Variants in BARD1 observed in about 807,000 individuals in gnomAD.
The protein encoded by BARD1 is BRCA1-associated RING domain protein 1.
A neutral mutation model predicts 77.0 loss-of-function variants in BARD1; 73 were observed. That is an observed-to-expected ratio of 0.95 (90% CI 0.79 to 1.15). The LOEUF is 1.15. BARD1 is among the 50% of genes most tolerant of loss of function. The probability of loss-of-function intolerance (pLI) is 0.00; values close to 1 mark genes in which losing one functional copy is unlikely to be tolerated. For synonymous variants in BARD1, 384 were observed against 338.0 expected (o/e 1.14, Z -1.49); for missense variants, 993 against 938.8 (o/e 1.06, Z -0.75).
At chr2:214,747,889 TAAAA>T (rs1693210914) in intron 7 of BARD1, among the ~76,000 whole-genome samples, 1 of 151,140 alleles carries the variant, frequency 6.6e-6, no homozygotes, top group East Asian at 1.9e-4. Flanking sequence ...AAATAAAAAA[TAAAA>T]AAATTAAAAA....
At chr2:214,758,461 G>C (rs893459338) in intron 6 of BARD1, among the ~76,000 whole-genome samples, 9 of 152,174 alleles carry the variant, frequency 5.9e-5, no homozygotes, top group African/African-American at 2.2e-4. Flanking sequence ...TATGTCTGGA[G>C]CATTAACCTC....
intron 9 of BARD1, among the ~76,000 whole-genome samples, chr2:214,737,776 A>G (rs1045677600): frequency 6.6e-6 from 1 of 152,210 alleles, no homozygotes; most frequent in East Asian, 1.9e-4. Context: ...GGTTTTATTT[A>G]CTGAATAAAA....
At chr2:214,733,178 C>T (rs963061129) in intron 9 of BARD1, among the ~76,000 whole-genome samples, 2 of 152,110 alleles carry the variant, frequency 1.3e-5, no homozygotes, top group Admixed American at 6.5e-5. Flanking sequence ...ACTTCCACTT[C>T]GGCGCTCTTC....
chr2:214,801,427 T>C (rs997682613), intron 1 of BARD1, among the ~76,000 whole-genome samples: 6 of 152,238 alleles, frequency 3.9e-5, no homozygotes, highest in African/African-American at 9.6e-5. Context: ...TAACAAATAC[T>C]GAATGGCCAT....
chr2:214,747,458 A>G (rs1693179445), intron 7 of BARD1, among the ~76,000 whole-genome samples: 1 of 150,322 alleles, frequency 6.7e-6, no homozygotes, highest in African/African-American at 2.5e-5. Flanking sequence ...AACCAACCCA[A>G]ATGTCCAACA....
chr2:214,782,177 G>A (rs7567179), intron 3 of BARD1, among the ~76,000 whole-genome samples: 3,351 of 152,154 alleles, frequency 0.022, 39 homozygotes, highest in Middle Eastern at 0.034. Context: ...TAATATTAAC[G>A]TCAAGCTGTA....
At chr2:214,798,403 T>C (rs1695857656) in intron 1 of BARD1, among the ~76,000 whole-genome samples, 1 of 152,182 alleles carries the variant, frequency 6.6e-6, no homozygotes. Flanking sequence ...ATTCATACTG[T>C]GTCTATAATT....
intron 6 of BARD1, among the ~76,000 whole-genome samples, chr2:214,760,760 A>C (rs1168833948): frequency 1.3e-5 from 2 of 151,688 alleles, no homozygotes; most frequent in Non-Finnish European, 2.9e-5. Flanking sequence ...AAAGTTTTAC[A>C]GTTCACAGGG....
Position 214,726,051 on chromosome 2 carries a change from G to T in BARD1, c.*2625C>A. 4.8e-6 allele frequency: 1 copy of T among 209,562 alleles called. No homozygotes were observed. The highest frequency in any genetic ancestry group is 6.9e-5 in the East Asian group (1 of 14,572). 13.0% of individuals were successfully genotyped at this position (209,562 alleles called of 1,614,324 possible). A position where few individuals can be genotyped will look rare whatever the true frequency, so the allele number is the denominator to read the frequency against. On this transcript the variant is annotated 3_prime_UTR_variant, in exon 11 of 11. Coordinates refer to ENST00000260947, the MANE Select transcript of BARD1 (RefSeq NM_000465.4). ...CAAGGCAGGTGCAAAAAAAAAAAAAGGTGGGGGGACCGATGAAATAAAGGA... is the reference window on the plus strand; with the variant it reads ...CAAGGCAGGTGCAAAAAAAAAAAAATGTGGGGGGACCGATGAAATAAAGGA...
chr2:214,752,787 T>TC (rs1355371644), intron 6 of BARD1, among the ~76,000 whole-genome samples: 2 of 152,188 alleles, frequency 1.3e-5, no homozygotes, highest in African/African-American at 4.8e-5. Flanking sequence ...TATGAATTTT[T>TC]CACAACTGTA....
intron 9 of BARD1, among the ~76,000 whole-genome samples, chr2:214,732,015 G>A (rs553693931): frequency 6.6e-6 from 1 of 152,250 alleles, no homozygotes; most frequent in Non-Finnish European, 1.5e-5. Flanking sequence ...GTTACATCCT[G>A]TTATCACTTG....
At chr2:214,746,412 T>C (rs915785995) in intron 7 of BARD1, among the ~76,000 whole-genome samples, 8 of 152,058 alleles carry the variant, frequency 5.3e-5, no homozygotes, top group African/African-American at 9.7e-5. Context: ...GATCCATAAA[T>C]AGTAAGAAGT....
At chr2:214,754,701 A>G (rs1359755728) in intron 6 of BARD1, among the ~76,000 whole-genome samples, 2 of 152,170 alleles carry the variant, frequency 1.3e-5, no homozygotes, top group Non-Finnish European at 2.9e-5. Context: ...ACTATGTCAT[A>G]TGGTCTTAAA....
intron 7 of BARD1, among the ~76,000 whole-genome samples, chr2:214,746,526 A>G (rs1559387966): frequency 6.6e-6 from 1 of 151,246 alleles, no homozygotes; most frequent in Non-Finnish European, 1.5e-5. Flanking sequence ...ACAAAAATAA[A>G]GAGAAGGTAA....
At chr2:214,771,943 A>AAG (rs59814038) in intron 4 of BARD1, among the ~76,000 whole-genome samples, 2 of 143,336 alleles carry the variant, frequency 1.4e-5, no homozygotes, top group African/African-American at 2.7e-5. Flanking sequence ...AAAAAAAAAA[A>AAG]GCAACATTTT....
intron 6 of BARD1, among the ~76,000 whole-genome samples, chr2:214,761,519 A>G (rs115541449): frequency 0.015 from 2,323 of 152,282 alleles, 67 homozygotes; most frequent in African/African-American, 0.052. Context: ...ATATTTTTAA[A>G]TGTATTAACA....
At chr2:214,769,336 A>G in intron 4 of BARD1, 24 bp from the exon 5 acceptor site, 1 of 1,554,260 alleles carries the variant, frequency 6.4e-7, no homozygotes, top group South Asian at 1.1e-5. Context: ...CAAAACGGAA[A>G]TTAAAAAGCA....
At chr2:214,770,552 T>G (rs1387265710) in intron 4 of BARD1, among the ~76,000 whole-genome samples, 1 of 152,238 alleles carries the variant, frequency 6.6e-6, no homozygotes, top group East Asian at 1.9e-4. Context: ...GAAAATACTC[T>G]GAAGGCAGAC....
At chr2:214,761,576 G>A in intron 6 of BARD1, among the ~76,000 whole-genome samples, 1 of 152,096 alleles carries the variant, frequency 6.6e-6, no homozygotes, top group Non-Finnish European at 1.5e-5. Flanking sequence ...TGAGGTGGGA[G>A]GATCGCTTGA....
Sources: gnomAD v4.1 joint callset for allele counts (sites outside exome capture counted in the v4.1 genomes callset) on GRCh38, gnomAD v4.1.1 for gene constraint, MANE v1.5 for transcripts, NCBI Gene and HGNC (gene_info 2026-07-23, HGNC 2026-07-21) for gene names.